ANO3: variants seen among roughly 807,000 people sequenced by gnomAD.
The protein encoded by ANO3 is anoctamin-3.
ANO3 carries 99 observed loss-of-function variants against 144.8 expected under a neutral mutation model. The observed-to-expected ratio is 0.68, with a 90% CI of 0.58 to 0.81. The LOEUF (loss-of-function observed/expected upper bound fraction) is 0.81. Among genes scored for constraint, ANO3 ranks in the 30% least tolerant of loss-of-function variants. The pLI, the probability that ANO3 is intolerant of heterozygous loss-of-function variation, is 0.00. For synonymous variants in ANO3, 414 were observed against 392.6 expected (o/e 1.05, Z -0.64); for missense variants, 905 against 1,202.2 (o/e 0.75, Z 3.66).
chr11:26,200,306 T>G (rs976686012), intron 1 of ANO3, among the ~76,000 whole-genome samples: 2 of 152,184 alleles, frequency 1.3e-5, no homozygotes, highest in African/African-American at 4.8e-5. Context: ...GGAAATATTT[T>G]CTCCTTCTGC....
At chr11:26,204,539 G>A (rs913008984) in intron 1 of ANO3, among the ~76,000 whole-genome samples, 8 of 152,038 alleles carry the variant, frequency 5.3e-5, no homozygotes, top group African/African-American at 1.7e-4. Context: ...TATCACTCTG[G>A]TTCTTTGGAA....
At position 26,403,035 on chromosome 11, in the gene ANO3, T is replaced by C. The variant is rs116526681; in HGVS notation, c.47-38883T>C. ...ATTTCGTCTCTTACAACTTATTCGA[T>C]GGACCACTTAAATGTGTTTTGTTTC... On this transcript the variant is annotated intron_variant, in intron 1 of 26. Transcript: ENST00000256737. Among the ~76,000 whole-genome samples, 381 of 152,080 alleles carry C rather than the reference T, an allele frequency of 2.5e-3. 5 individuals are homozygous for C. Among genetic ancestry groups the C allele is most frequent in the African/African-American group, 9.0e-3 (373 of 41,538 alleles).
intron 1 of ANO3, among the ~76,000 whole-genome samples, chr11:26,364,979 T>C (rs1176453625): frequency 6.6e-6 from 1 of 152,172 alleles, no homozygotes; most frequent in African/African-American, 2.4e-5. Flanking sequence ...CACCTGGAAA[T>C]TACTTAATTT....
chr11:26,356,509 GT>G (rs1448081408), intron 1 of ANO3, among the ~76,000 whole-genome samples: 4 of 151,844 alleles, frequency 2.6e-5, no homozygotes, highest in Non-Finnish European at 5.9e-5. Flanking sequence ...AGTATATATT[GT>G]TTTTTATCCT....
intron 22 of ANO3, 98 bp from the exon 23 acceptor site, chr11:26,643,084 G>A: frequency 9.7e-7 from 1 of 1,034,512 alleles, no homozygotes; most frequent in Non-Finnish European, 1.5e-6. Context: ...TATCTACTTT[G>A]TAAGGATGTT....
At chr11:26,643,135 C>A in intron 22 of ANO3, 47 bp from the exon 23 acceptor site, 1 of 1,582,164 alleles carries the variant, frequency 6.3e-7, no homozygotes, top group South Asian at 1.1e-5. Flanking sequence ...CCAAATTTGT[C>A]ACAAAGGAAG....
chr11:26,353,083 A>G (rs1045959352), intron 1 of ANO3, among the ~76,000 whole-genome samples: 4 of 152,176 alleles, frequency 2.6e-5, no homozygotes, highest in Non-Finnish European at 2.9e-5. Context: ...ATCATGCCCA[A>G]CGGGGTTTGG....
At chr11:26,430,698 T>C (rs1418560176) in intron 1 of ANO3, among the ~76,000 whole-genome samples, 1 of 151,856 alleles carries the variant, frequency 6.6e-6, no homozygotes, top group Non-Finnish European at 1.5e-5. Context: ...AAAAAATCAA[T>C]GAAATAGACA....
chr11:26,406,335 C>G (rs542256396), intron 1 of ANO3, among the ~76,000 whole-genome samples: 34 of 151,870 alleles, frequency 2.2e-4, no homozygotes, highest in South Asian at 1.0e-3. Flanking sequence ...AATCAACTTC[C>G]AAAGGTCACA....
intron 3 of ANO3, among the ~76,000 whole-genome samples, chr11:26,444,046 C>T (rs1858621297): frequency 1.3e-5 from 2 of 151,994 alleles, no homozygotes; most frequent in African/African-American, 4.8e-5. Context: ...GAGCAACAGT[C>T]TCATAATAAC....
chr11:26,444,409 G>C (rs1182308492), intron 3 of ANO3, among the ~76,000 whole-genome samples: 4 of 152,168 alleles, frequency 2.6e-5, no homozygotes, highest in Non-Finnish European at 5.9e-5. Flanking sequence ...TAATCAAAAA[G>C]TGATACTAAT....
intron 1 of ANO3, among the ~76,000 whole-genome samples, chr11:26,378,241 T>G (rs771339317): frequency 6.6e-6 from 1 of 150,928 alleles, no homozygotes; most frequent in African/African-American, 2.4e-5. Context: ...AATTGATGTT[T>G]TAGGGCCTCA....
chr11:26,558,352 T>C (rs117633361), intron 13 of ANO3, among the ~76,000 whole-genome samples: 2,212 of 152,198 alleles, frequency 0.015, 27 homozygotes, highest in Non-Finnish European at 0.021. Flanking sequence ...GTTTCCTGTA[T>C]GATGTTGGTT....
At chr11:26,621,861 CGT>C (rs1263577940) in intron 17 of ANO3, among the ~76,000 whole-genome samples, 1 of 151,794 alleles carries the variant, frequency 6.6e-6, no homozygotes, top group Admixed American at 6.6e-5. Flanking sequence ...CATGTTATCA[CGT>C]GTGTGTATCA....
At chr11:26,211,526 A>T (rs927790767) in intron 1 of ANO3, among the ~76,000 whole-genome samples, 33 of 152,330 alleles carry the variant, frequency 2.2e-4, no homozygotes, top group African/African-American at 7.9e-4. Flanking sequence ...ATCTCACACC[A>T]GTTAGAATGG....
At chr11:26,415,332 T>C (rs1030462767) in intron 1 of ANO3, among the ~76,000 whole-genome samples, 1 of 152,064 alleles carries the variant, frequency 6.6e-6, no homozygotes, top group Non-Finnish European at 1.5e-5. Flanking sequence ...TGTCAAGCCT[T>C]ACTGAGGATG....
chr11:26,488,184 A>G (rs756798091), intron 4 of ANO3, among the ~76,000 whole-genome samples: 1 of 152,150 alleles, frequency 6.6e-6, no homozygotes, highest in Non-Finnish European at 1.5e-5. Context: ...AAACAAAATA[A>G]AACAAAACAA....
chr11:26,567,832 G>A (rs928110008), intron 14 of ANO3, among the ~76,000 whole-genome samples: 4 of 151,930 alleles, frequency 2.6e-5, no homozygotes, highest in African/African-American at 7.2e-5. Context: ...AAAATTGACA[G>A]GCTAGAGCTG....
intron 4 of ANO3, among the ~76,000 whole-genome samples, chr11:26,486,129 C>T (rs1255600729): frequency 6.6e-6 from 1 of 151,936 alleles, no homozygotes; most frequent in Non-Finnish European, 1.5e-5. Context: ...TTTGGGAGGC[C>T]AAGGCAGGTG....
Sources: allele counts gnomAD v4.1 joint callset (sites outside exome capture counted in the v4.1 genomes callset), GRCh38; gene constraint gnomAD v4.1.1; transcripts MANE v1.5; gene names NCBI Gene and HGNC (gene_info 2026-07-23, HGNC 2026-07-21).